The following DSE variants were observed in gnomAD, a reference collection of about 807,000 sequenced individuals.
DSE encodes the protein dermatan-sulfate epimerase.
A neutral mutation model predicts 84.4 loss-of-function variants in DSE; 36 were observed. The observed-to-expected ratio is 0.43, with a 90% CI of 0.33 to 0.56. DSE has a LOEUF of 0.56. Ranked by LOEUF, DSE falls within the 20% of genes least tolerant of loss-of-function variation. The pLI is 0.06. For missense variants in DSE, 862 were observed against 1,169.6 expected (o/e 0.74, Z 3.84); for synonymous variants, 410 against 430.1 (o/e 0.95, Z 0.58).
At chr6:116,384,328 A>C (rs897369029) in intron 1 of DSE, among the ~76,000 whole-genome samples, 1 of 152,234 alleles carries the variant, frequency 6.6e-6, no homozygotes, top group Admixed American at 6.5e-5. Flanking sequence ...AGGACTCATG[A>C]AATCTATCCT....
chr6:116,288,759 T>A (rs1438917631), intron 2 of DSE, among the ~76,000 whole-genome samples: 1 of 152,108 alleles, frequency 6.6e-6, no homozygotes, highest in Non-Finnish European at 1.5e-5. Context: ...CAACATTTCA[T>A]CATGGCAAGA....
intron 1 of DSE, among the ~76,000 whole-genome samples, chr6:116,393,892 C>T (rs1781069624): frequency 1.3e-5 from 2 of 152,184 alleles, no homozygotes; most frequent in South Asian, 2.1e-4. Flanking sequence ...ATTCTATAAA[C>T]AGTCCCAGAT....
At chr6:116,332,013 C>T (rs1430544188) in intron 2 of DSE, among the ~76,000 whole-genome samples, 1 of 151,594 alleles carries the variant, frequency 6.6e-6, no homozygotes, top group African/African-American at 2.4e-5. Context: ...TATAAAAAAA[C>T]TCAAAGACTC....
chr6:116,425,865 G>A (rs1364979912), intron 2 of DSE, among the ~76,000 whole-genome samples: 1 of 152,030 alleles, frequency 6.6e-6, no homozygotes, highest in Non-Finnish European at 1.5e-5. Context: ...CTCGTGATCC[G>A]CCCGTCTCGG....
At chr6:116,269,194 G>A (rs923915372) in intron 2 of DSE, among the ~76,000 whole-genome samples, 3 of 152,030 alleles carry the variant, frequency 2.0e-5, no homozygotes, top group Non-Finnish European at 4.4e-5. Context: ...CTTACTAGCT[G>A]TTTAATTTAG....
rs1046653247 is a variant in DSE at position 116,444,204 on chromosome 6, GATTA to G, written c.*6863_*6866del. On this transcript the variant is annotated 3_prime_UTR_variant, in exon 6 of 6. Transcript: ENST00000644252. ...AAAGGGAGACGTGATTCTTTTGAAA[GATTA>G]ATTCACAGAATTTTTTATCACAGTT... The G allele has an allele frequency of 1.9e-4, 29 of 152,190 alleles. No homozygotes were observed. Among genetic ancestry groups the G allele is most frequent in the African/African-American group, 6.3e-4 (26 of 41,456 alleles). The allele number at this position is 152,190 out of a possible 1,614,324, so 9.4% of individuals were successfully genotyped here.
chr6:116,402,658 T>C (rs1781669846), intron 2 of DSE, among the ~76,000 whole-genome samples: 1 of 152,190 alleles, frequency 6.6e-6, no homozygotes, highest in African/African-American at 2.4e-5. Flanking sequence ...ATAGTATCCA[T>C]TTAGGATTTT....
At chr6:116,334,468 C>T (rs886412134) in intron 2 of DSE, among the ~76,000 whole-genome samples, 3 of 152,132 alleles carry the variant, frequency 2.0e-5, no homozygotes, top group South Asian at 2.1e-4. Context: ...ATACTGTATT[C>T]GAAAATTTTC....
intron 2 of DSE, among the ~76,000 whole-genome samples, chr6:116,329,932 T>C (rs1429365234): frequency 6.6e-6 from 1 of 152,234 alleles, no homozygotes; most frequent in East Asian, 1.9e-4. Flanking sequence ...CAAGTGATTG[T>C]CCTGCCTCAG....
chr6:116,353,849 A>G (rs995414750), intron 2 of DSE, among the ~76,000 whole-genome samples: 5 of 152,190 alleles, frequency 3.3e-5, no homozygotes, highest in Non-Finnish European at 5.9e-5. Flanking sequence ...TTAATGGCTG[A>G]TGTAAAACAA....
intron 2 of DSE, among the ~76,000 whole-genome samples, chr6:116,339,551 T>C (rs1777469280): frequency 6.6e-6 from 1 of 152,318 alleles, no homozygotes; most frequent in African/African-American, 2.4e-5. Flanking sequence ...CTACTATGTT[T>C]TGAATGAATT....
chr6:116,386,897 T>C (rs1355082681), intron 1 of DSE, among the ~76,000 whole-genome samples: 1 of 152,320 alleles, frequency 6.6e-6, no homozygotes, highest in East Asian at 1.9e-4. Flanking sequence ...AACATTGTAT[T>C]AGTGCTTCTT....
At chr6:116,381,286 A>G (rs1182684890) in intron 1 of DSE, among the ~76,000 whole-genome samples, 1 of 152,140 alleles carries the variant, frequency 6.6e-6, no homozygotes, top group Non-Finnish European at 1.5e-5. Context: ...GTCATGCTCA[A>G]GCAATGATGG....
chr6:116,273,208 T>A (rs1351385598), intron 2 of DSE, among the ~76,000 whole-genome samples: 3 of 152,220 alleles, frequency 2.0e-5, no homozygotes, highest in African/African-American at 7.2e-5. Flanking sequence ...CATATAGGTG[T>A]TCACAAAAAT....
chr6:116,414,264 T>A (rs1045645395), intron 2 of DSE, among the ~76,000 whole-genome samples: 6 of 152,178 alleles, frequency 3.9e-5, no homozygotes. Context: ...TCTCCTAGCT[T>A]CTGGTGGTTG....
chr6:116,332,704 G>C (rs1777024086), intron 2 of DSE, among the ~76,000 whole-genome samples: 1 of 152,116 alleles, frequency 6.6e-6, no homozygotes, highest in South Asian at 2.1e-4. Context: ...CTGATACTTA[G>C]AGTTAAAATT....
At chr6:116,381,106 A>G (rs1350338229) in intron 1 of DSE, among the ~76,000 whole-genome samples, 2 of 152,160 alleles carry the variant, frequency 1.3e-5, no homozygotes, top group East Asian at 3.8e-4. Flanking sequence ...CTGAATTCTC[A>G]AAGAATATTG....
At chr6:116,420,802 C>T (rs482701) in intron 2 of DSE, among the ~76,000 whole-genome samples, 121,423 of 152,180 alleles carry the variant, frequency 0.8, 49,512 homozygotes, top group African/African-American at 0.95. Flanking sequence ...TAATCACTTG[C>T]AGTTCAAATC....
intron 2 of DSE, among the ~76,000 whole-genome samples, chr6:116,298,407 G>A (rs73767727): frequency 0.041 from 6,312 of 152,246 alleles, 201 homozygotes; most frequent in African/African-American, 0.086. Flanking sequence ...AAAAAAGGGA[G>A]GCAGAAGAGA....
Sources: allele counts gnomAD v4.1 joint callset (sites outside exome capture counted in the v4.1 genomes callset), GRCh38; gene constraint gnomAD v4.1.1; transcripts MANE v1.5; gene names NCBI Gene and HGNC (gene_info 2026-07-23, HGNC 2026-07-21).